DOCK9: variants seen among roughly 807,000 people sequenced by gnomAD.
DOCK9 encodes dedicator of cytokinesis protein 9.
Under a neutral mutation model 263.3 loss-of-function variants are expected in DOCK9, and 89 were observed. The observed-to-expected ratio is 0.34, with a 90% CI of 0.28 to 0.40. The LOEUF is 0.40. Ranked by LOEUF, DOCK9 falls within the 10% of genes least tolerant of loss-of-function variation. DOCK9 has a pLI of 1.00. For missense variants in DOCK9, 2,140 were observed against 2,603.4 expected (o/e 0.82, Z 3.87); for synonymous variants, 976 against 973.1 (o/e 1.00, Z -0.06).
intron 15 of DOCK9, among the ~76,000 whole-genome samples, chr13:98,890,145 C>T (rs560246487): frequency 6.6e-6 from 1 of 152,308 alleles, no homozygotes; most frequent in Non-Finnish European, 1.5e-5. Flanking sequence ...CCACCTACTG[C>T]ATTAGATATT....
intron 1 of DOCK9, chr13:99,015,358 C>A (rs1036862252): frequency 2.6e-6 from 3 of 1,137,522 alleles, no homozygotes; most frequent in Non-Finnish European, 3.6e-6. Flanking sequence ...CATATAAGTA[C>A]ACTTAAATAA....
intron 1 of DOCK9, among the ~76,000 whole-genome samples, chr13:98,964,610 G>A (rs536643748): frequency 6.6e-6 from 1 of 152,330 alleles, no homozygotes; most frequent in East Asian, 1.9e-4. Flanking sequence ...AAGGGATCCT[G>A]AAACTTAAGC....
intron 1 of DOCK9, among the ~76,000 whole-genome samples, chr13:99,054,736 A>C (rs1322233850): frequency 6.6e-6 from 1 of 152,212 alleles, no homozygotes; most frequent in Non-Finnish European, 1.5e-5. Flanking sequence ...GAGATTCTTA[A>C]CTACGCCAGT....
chr13:98,846,201 C>A (rs2093386023), intron 37 of DOCK9, 141 bp from the exon 38 acceptor site: 1 of 1,068,900 alleles, frequency 9.4e-7, no homozygotes. Flanking sequence ...GCCAGAGACA[C>A]AGACAGGCGG....
At chr13:99,011,248 A>G (rs1368648439) in intron 1 of DOCK9, among the ~76,000 whole-genome samples, 2 of 152,222 alleles carry the variant, frequency 1.3e-5, no homozygotes, top group African/African-American at 4.8e-5. Context: ...AAAGTTATTT[A>G]CATATATACA....
chr13:99,071,027 GCA>G (rs988299606), intron 1 of DOCK9, among the ~76,000 whole-genome samples: 1 of 152,060 alleles, frequency 6.6e-6, no homozygotes, highest in Non-Finnish European at 1.5e-5. Context: ...CCAACCCCCT[GCA>G]CAGTCAAAAA....
At chr13:98,824,610 AT>A in intron 44 of DOCK9, 106 bp from the exon 45 acceptor site, 1 of 1,049,478 alleles carries the variant, frequency 9.5e-7, no homozygotes, top group Non-Finnish European at 1.4e-6. Context: ...GAAATAACGG[AT>A]TTTGAAATCT....
At chr13:98,854,627 T>C (rs1431204277) in intron 34 of DOCK9, 2 of 152,018 alleles carry the variant, frequency 1.3e-5, no homozygotes, top group Non-Finnish European at 2.9e-5. Context: ...GTGGAATCAT[T>C]AGAAGGGAAA....
Position 98,978,061 on chromosome 13 carries a change from G to T in DOCK9, c.-152C>A. The T allele has an allele frequency of 7.0e-7, 1 of 1,425,844 alleles. No homozygotes were observed. Among genetic ancestry groups the T allele is most frequent in the Non-Finnish European group, 9.1e-7 (1 of 1,095,138 alleles). 88.3% of individuals were successfully genotyped at this position (1,425,844 alleles called of 1,614,324 possible). On this transcript the variant is annotated 5_prime_UTR_variant, in exon 1 of 53. Coordinates refer to ENST00000682017, the MANE Select transcript of DOCK9 (RefSeq NM_001366683.2). Reference sequence around the variant, plus strand: ...CAGCCCCGCTGGCTGGGTCTGCAGAGCCTGTGGGGTGGGAAGGCATGACAG... The same window carrying T: ...CAGCCCCGCTGGCTGGGTCTGCAGATCCTGTGGGGTGGGAAGGCATGACAG...
chr13:99,032,522 A>T (rs1271271837), intron 1 of DOCK9, among the ~76,000 whole-genome samples: 1 of 151,824 alleles, frequency 6.6e-6, no homozygotes, highest in African/African-American at 2.4e-5. Context: ...TCATTCAAAT[A>T]TACGCACCCC....
chr13:99,012,885 G>T (rs1394482216), intron 1 of DOCK9, among the ~76,000 whole-genome samples: 1 of 151,922 alleles, frequency 6.6e-6, no homozygotes, highest in Non-Finnish European at 1.5e-5. Flanking sequence ...TTACTGTTTG[G>T]GGAAACTAAA....
At chr13:98,823,753 C>T (rs866863559) in intron 45 of DOCK9, among the ~76,000 whole-genome samples, 5 of 152,208 alleles carry the variant, frequency 3.3e-5, no homozygotes, top group South Asian at 2.1e-4. Context: ...TGTCAAAACT[C>T]GCCAGTTACA....
intron 1 of DOCK9, among the ~76,000 whole-genome samples, chr13:99,067,866 GA>G (rs1229969538): frequency 6.0e-5 from 8 of 132,516 alleles, no homozygotes; most frequent in African/African-American, 2.2e-4. Context: ...TGTAAGGACA[GA>G]AGCTTTTTTT....
intron 2 of DOCK9, among the ~76,000 whole-genome samples, chr13:98,947,508 T>C (rs1372103665): frequency 2.1e-5 from 2 of 95,090 alleles, no homozygotes; most frequent in East Asian, 8.6e-4. Context: ...TATTCAGAAT[T>C]TTTTTTTTTT....
At chr13:98,953,648 A>G (rs2057698189) in intron 2 of DOCK9, among the ~76,000 whole-genome samples, 1 of 152,240 alleles carries the variant, frequency 6.6e-6, no homozygotes, top group Non-Finnish European at 1.5e-5. Flanking sequence ...CTCAGACAAC[A>G]CTACAGGAAA....
At chr13:98,904,364 TA>T (rs1412198743) in intron 10 of DOCK9, among the ~76,000 whole-genome samples, 1 of 152,258 alleles carries the variant, frequency 6.6e-6, no homozygotes, top group Admixed American at 6.5e-5. Context: ...TTTTAACAGG[TA>T]AATTAGATGT....
chr13:98,928,003 A>AT (rs2053290462), intron 3 of DOCK9, among the ~76,000 whole-genome samples: 2 of 74,218 alleles, frequency 2.7e-5, no homozygotes, highest in South Asian at 1.0e-3. Flanking sequence ...AATCGCACAT[A>AT]CAAAAAAAAA....
At chr13:98,884,760 T>C (rs915648679) in intron 21 of DOCK9, among the ~76,000 whole-genome samples, 1 of 152,244 alleles carries the variant, frequency 6.6e-6, no homozygotes, top group Non-Finnish European at 1.5e-5. Context: ...GTTCAGGGCT[T>C]ACAAAATGCC....
rs377383123 is a variant in DOCK9, at chr13:98,936,907, T to A, written c.244-6650A>T. ...CTAAATTTCTGTAGTTTTATTTATTTAGCTTATAGCGAAGTCCAAGTCAAT... is the reference window on the plus strand; with the variant it reads ...CTAAATTTCTGTAGTTTTATTTATTAAGCTTATAGCGAAGTCCAAGTCAAT... On this transcript the variant is annotated intron_variant, in intron 2 of 52. Transcript: ENST00000682017. 3.3e-5 allele frequency among the ~76,000 whole-genome samples: 5 copies of A among 152,340 alleles called. No homozygotes were observed. The East Asian group carries it at 9.6e-4, about 29-fold the overall frequency.
Sources: gnomAD v4.1 joint callset for allele counts (sites outside exome capture counted in the v4.1 genomes callset) on GRCh38, gnomAD v4.1.1 for gene constraint, MANE v1.5 for transcripts, NCBI Gene and HGNC (gene_info 2026-07-23, HGNC 2026-07-21) for gene names.